Variants in ELAPOR2 observed in about 807,000 individuals in gnomAD.
The protein encoded by ELAPOR2 is endosome/lysosome-associated apoptosis and autophagy regulator family member 2.
In ELAPOR2, 89 loss-of-function variants were observed where a neutral mutation model predicts 120.7. That is an observed-to-expected ratio of 0.74 (90% CI 0.62 to 0.88). The LOEUF (loss-of-function observed/expected upper bound fraction) is 0.88. Ranked by LOEUF, ELAPOR2 falls within the 40% of genes least tolerant of loss-of-function variation. The pLI is 0.00. For missense variants in ELAPOR2, 1,134 were observed against 1,251.6 expected, an observed-to-expected ratio of 0.91 and a Z score of 1.42; for synonymous variants, 444 against 444.9, an observed-to-expected ratio of 1.00 and a Z score of 0.03.
intron 1 of ELAPOR2, among the ~76,000 whole-genome samples, chr7:87,038,949 TGAA>T (rs1006064297): frequency 2.7e-5 from 4 of 150,726 alleles, no homozygotes; most frequent in African/African-American, 9.8e-5. Flanking sequence ...ATAAATGAAA[TGAA>T]GAAAATACAA....
At chr7:86,987,235 T>C (rs1258430946) in intron 1 of ELAPOR2, among the ~76,000 whole-genome samples, 1 of 152,102 alleles carries the variant, frequency 6.6e-6, no homozygotes, top group Non-Finnish European at 1.5e-5. Context: ...TCTAAAACCA[T>C]AAAAACCCTA....
chr7:87,053,831 C>T (rs1026620556), intron 1 of ELAPOR2, among the ~76,000 whole-genome samples: 3 of 152,204 alleles, frequency 2.0e-5, no homozygotes, highest in African/African-American at 7.2e-5. Flanking sequence ...AACTCCTACT[C>T]ATCCTTTAGA....
At position 86,953,225 on chromosome 7, in the gene ELAPOR2, G is replaced by T. The variant is rs922202392; in HGVS notation, c.311-5303C>A. On this transcript the variant is annotated intron_variant, in intron 2 of 21. Coordinates refer to ENST00000450689, the MANE Select transcript of ELAPOR2 (RefSeq NM_001142749.3). ...TTATGCAGTCAAATTAGTTGAATAA[G>T]TATAGGGCCTTTAATAATACAGAGG... is the stretch of plus-strand genomic sequence containing the variant. 9.9e-5 allele frequency among the ~76,000 whole-genome samples: 15 copies of T among 152,214 alleles called. 1 individual carries two copies. The highest frequency in any genetic ancestry group is 3.6e-4 in the African/African-American group (15 of 41,526).
intron 1 of ELAPOR2, among the ~76,000 whole-genome samples, chr7:86,988,786 G>T (rs1792844334): frequency 6.6e-6 from 1 of 152,192 alleles, no homozygotes; most frequent in Admixed American, 6.5e-5. Flanking sequence ...AAAAGACAAT[G>T]CCATCTCTTT....
At chr7:86,913,586 G>A (rs1359658456) in intron 13 of ELAPOR2, among the ~76,000 whole-genome samples, 1 of 152,192 alleles carries the variant, frequency 6.6e-6, no homozygotes, top group East Asian at 1.9e-4. Context: ...TACAATAGGA[G>A]GTTGAAAGTG....
At chr7:87,007,636 T>A (rs1793526495) in intron 1 of ELAPOR2, among the ~76,000 whole-genome samples, 1 of 152,156 alleles carries the variant, frequency 6.6e-6, no homozygotes, top group Non-Finnish European at 1.5e-5. Flanking sequence ...GTTCAAGGAA[T>A]CAGGGCTTCT....
rs374573284 is a variant in ELAPOR2, at chr7:86,940,266, C to T, written c.742-151G>A. 5.1e-5 allele frequency: 22 copies of T among 431,984 alleles called. No individual in the cohort carries two copies. The South Asian group carries it at 1.0e-3, about 21-fold the overall frequency. 26.8% of individuals were successfully genotyped at this position (431,984 alleles called of 1,614,324 possible). On this transcript the variant is annotated intron_variant, in intron 5 of 21. Transcript: ENST00000450689. ...CCACTGTTAATTCTGACCTAACCTC[C>T]GCTGAAGTTTACACTTTCTTAAAAG...
chr7:86,927,668 T>C (rs1478415115), intron 8 of ELAPOR2, among the ~76,000 whole-genome samples: 1 of 151,976 alleles, frequency 6.6e-6, no homozygotes, highest in Non-Finnish European at 1.5e-5. Context: ...AAGCCATTAT[T>C]ATCAAATTTT....
chr7:87,052,962 G>A (rs139856620), intron 1 of ELAPOR2, among the ~76,000 whole-genome samples: 2,244 of 151,822 alleles, frequency 0.015, 56 homozygotes, highest in African/African-American at 0.05. Flanking sequence ...ATGCCCAGCT[G>A]ATTTTTTTAT....
chr7:86,919,295 C>T lies in ELAPOR2; in HGVS notation c.1415G>A (p.Gly472Glu), dbSNP rs35444296. Residue 472 changes from glycine (G) to glutamate (E), a missense_variant, in exon 11 of 22, where the codon GGA (glycine) becomes GAA (glutamate). By Grantham distance (98) the Gly-to-Glu change is moderately conservative. This residue lies in a region of ELAPOR2 where 831 missense variants were observed against 867.6 expected (regional missense o/e 0.96). Transcript: ENST00000450689. ...TCCAGCCCCACTCTGGATATGATCT[C>T]CAGCCACCTCCCAACCTAGAAGTAA... The part of the protein sequence containing the change: ...CDGMNGWEVA[G>E]DHIQSGAGGS... 2,855 of 1,607,078 alleles carry T rather than the reference C, an allele frequency of 1.8e-3. 6 individuals carry two copies. The highest frequency in any genetic ancestry group is 2.1e-3 in the Non-Finnish European group (2,518 of 1,175,858).
chr7:86,969,876 G>A (rs970154356), intron 1 of ELAPOR2, among the ~76,000 whole-genome samples: 1 of 152,208 alleles, frequency 6.6e-6, no homozygotes, highest in African/African-American at 2.4e-5. Context: ...GGAACAGTGA[G>A]AAAAGGCTTT....
intron 1 of ELAPOR2, among the ~76,000 whole-genome samples, chr7:87,042,616 T>C (rs978623275): frequency 6.6e-6 from 1 of 151,562 alleles, no homozygotes; most frequent in African/African-American, 2.4e-5. Flanking sequence ...AAGCAGTGTG[T>C]AGAGGGAAAT....
chr7:86,911,774 A>C lies in ELAPOR2; in HGVS notation c.2169+298T>G, dbSNP rs573227100. ...TCCTGCCTAAAGAGGTAAGATTGAC[A>C]ACCCTGACCCATTTTTATGAAAACA... is the stretch of plus-strand genomic sequence containing the variant. On this transcript the variant is annotated intron_variant, in intron 15 of 21. Coordinates refer to ENST00000450689, the MANE Select transcript of ELAPOR2 (RefSeq NM_001142749.3). 4.8e-5 allele frequency: 25 copies of C among 523,554 alleles called. No homozygotes were observed. In the East Asian group the frequency reaches 1.2e-3, roughly 25 times the overall value. The allele number at this position is 523,554 out of a possible 1,614,324, so 32.4% of individuals were successfully genotyped here. A position where few individuals can be genotyped will look rare whatever the true frequency, so the allele number is the denominator to read the frequency against.
chr7:86,951,648 T>C (rs1791249675), intron 2 of ELAPOR2, among the ~76,000 whole-genome samples: 2 of 152,340 alleles, frequency 1.3e-5, no homozygotes, highest in African/African-American at 2.4e-5. Flanking sequence ...AGTTGTGTTA[T>C]ATGAATTTAC....
At position 87,059,537 on chromosome 7, in the gene ELAPOR2, G is replaced by T. The variant is rs1367019078; in HGVS notation, c.-24C>A. ...ATCTTCGTCCGGCCGCGGTCGGCGG[G>T]CCGGCGGCAAGGCAGCCTTCCCGGG... On this transcript the variant is annotated 5_prime_UTR_variant, in exon 1 of 22. Coordinates refer to ENST00000450689, the MANE Select transcript of ELAPOR2 (RefSeq NM_001142749.3). 1.7e-6 allele frequency: 2 copies of T among 1,174,322 alleles called. No individual in the cohort carries two copies. The highest frequency in any genetic ancestry group is 4.2e-5 in the South Asian group (1 of 23,780). 72.7% of individuals were successfully genotyped at this position (1,174,322 alleles called of 1,614,324 possible).
Position 86,938,886 on chromosome 7 carries a change from G to T in ELAPOR2, c.922C>A (p.Gln308Lys), listed in dbSNP as rs1239922045. The T allele has an allele frequency of 6.2e-7, 1 of 1,613,210 alleles. No individual in the cohort carries two copies. The highest frequency in any genetic ancestry group is 8.5e-7 in the Non-Finnish European group (1 of 1,179,504). Reference protein sequence around the residue: ...FSNKPGSFNCQVCPRNTYSEK... With the variant: ...FSNKPGSFNCKVCPRNTYSEK... ...GAATAGGTGTTTCTGGGACACACCT[G>T]GCAGTTGAATGAACCTGGTTTGTTG... Residue 308 changes from glutamine to lysine, a missense_variant, in exon 7 of 22, where the codon CAG becomes AAG. Gln to Lys is a moderately conservative substitution (Grantham distance 53). Around this residue, in one of 3 missense-constraint regions of ELAPOR2, gnomAD observed 831 missense variants for 867.6 expected, o/e 0.96. Coordinates refer to ENST00000450689, the MANE Select transcript of ELAPOR2 (RefSeq NM_001142749.3).
chr7:86,914,053 G>A (rs1235145228), intron 13 of ELAPOR2, among the ~76,000 whole-genome samples: 1 of 152,184 alleles, frequency 6.6e-6, no homozygotes, highest in Non-Finnish European at 1.5e-5. Context: ...AAGAGAAGAA[G>A]AGAAAATGCC....
intron 1 of ELAPOR2, among the ~76,000 whole-genome samples, chr7:87,057,786 C>G (rs1444398458): frequency 6.6e-6 from 1 of 152,172 alleles, no homozygotes; most frequent in Non-Finnish European, 1.5e-5. Flanking sequence ...TTGACCCTGA[C>G]CTTCGCCTAC....
At chr7:87,006,808 T>A (rs577592281) in intron 1 of ELAPOR2, among the ~76,000 whole-genome samples, 1 of 152,246 alleles carries the variant, frequency 6.6e-6, no homozygotes, top group Admixed American at 6.5e-5. Context: ...ACAACCCAAA[T>A]GTCCATCAAC....
Sources: gnomAD v4.1 joint callset for allele counts (sites outside exome capture counted in the v4.1 genomes callset) on GRCh38, gnomAD v4.1.1 for gene constraint, gnomAD v4.1.1 regional missense constraint, MANE v1.5 for transcripts, NCBI Gene and HGNC (gene_info 2026-07-23, HGNC 2026-07-21) for gene names.